Variants in FH observed in about 807,000 individuals in gnomAD.
FH encodes the protein fumarate hydratase.
FH carries 22 observed loss-of-function variants against 49.4 expected under a neutral mutation model. The observed-to-expected ratio is 0.45, with a 90% CI of 0.32 to 0.64. The LOEUF (loss-of-function observed/expected upper bound fraction) is 0.64, where lower values mean the gene tolerates loss of function less well. Ranked by LOEUF, FH falls within the 30% of genes least tolerant of loss-of-function variation. The pLI is 0.05. For synonymous variants in FH, 208 were observed against 223.0 expected (o/e 0.93, Z 0.60); for missense variants, 526 against 641.5 (o/e 0.82, Z 1.95).
intron 6 of FH, among the ~76,000 whole-genome samples, chr1:241,505,365 T>C (rs1214340966): frequency 1.3e-5 from 2 of 152,206 alleles, no homozygotes; most frequent in African/African-American, 4.8e-5. Context: ...TAAATCTACA[T>C]TTGCCAAACC....
chr1:241,506,099 A>G lies in FH; in HGVS notation c.808T>C (p.Tyr270His), dbSNP rs1447662403. Residue 270 changes from tyrosine to histidine, a missense_variant, in exon 6 of 10, where the codon TAT becomes CAT. Physicochemically the swap from Tyr to His is moderately conservative, Grantham distance 83. Around this residue, in one of 2 missense-constraint regions of FH, gnomAD observed 383 missense variants for 514.0 expected, o/e 0.75. Transcript: ENST00000366560. ...TRIKAAMPRI[Y>H]ELAAGGTAVG... ...GCAGTGCCTCCAGCTGCGAGCTCAT[A>G]GATTCTTGGCATGGCAGCTTTTATT... The G allele has an allele frequency of 6.2e-7, 1 of 1,613,860 alleles. No individual in the cohort carries two copies. Among genetic ancestry groups the G allele is most frequent in the Non-Finnish European group, 8.5e-7 (1 of 1,179,886 alleles).
At chr1:241,513,958 A>G (rs528913121) in intron 2 of FH, among the ~76,000 whole-genome samples, 1 of 152,302 alleles carries the variant, frequency 6.6e-6, no homozygotes, top group Admixed American at 6.5e-5. Flanking sequence ...CTTCATATAT[A>G]TATGTGTGTA....
At position 241,513,669 on chromosome 1, in the gene FH, A is replaced by G. The variant is rs1311053776; in HGVS notation, c.312T>C (p.Ala104=). The G allele has an allele frequency of 3.7e-6, 6 of 1,614,128 alleles. No homozygotes were observed. The highest frequency in any genetic ancestry group is 4.2e-6 in the Non-Finnish European group (5 of 1,179,986). The part of the protein sequence containing the change: ...KAFGILKRAA[A]EVNQDYGLDP... Reference sequence around the variant, plus strand: ...CAAGACCATAATCCTGGTTTACTTCAGCGGCCGCTCGCTTCAAGATGCCAA... The same window carrying G: ...CAAGACCATAATCCTGGTTTACTTCGGCGGCCGCTCGCTTCAAGATGCCAA... The change falls in exon 3 of 10, where the codon GCT becomes GCC. Residue 104 remains alanine (A), a synonymous_variant. Coordinates refer to ENST00000366560, the MANE Select transcript of FH (RefSeq NM_000143.4).
intron 3 of FH, 67 bp downstream of exon 3, chr1:241,513,536 G>GCA: frequency 1.7e-6 from 2 of 1,143,538 alleles, no homozygotes; most frequent in Non-Finnish European, 2.7e-6. Flanking sequence ...TTCTGCCAGA[G>GCA]CATATCGTCA....
chr1:241,506,748 G>T (rs1573882072), intron 5 of FH, among the ~76,000 whole-genome samples: 1 of 152,182 alleles, frequency 6.6e-6, no homozygotes, highest in East Asian at 1.9e-4. Context: ...AGAATAGGAG[G>T]TAACGGTAGA....
intron 4 of FH, among the ~76,000 whole-genome samples, chr1:241,510,739 A>G (rs533811490): frequency 6.6e-6 from 1 of 152,310 alleles, no homozygotes; most frequent in East Asian, 1.9e-4. Context: ...TGTAAGCCCA[A>G]AAACTTTTTG....
intron 3 of FH, among the ~76,000 whole-genome samples, chr1:241,512,792 T>C (rs1660120011): frequency 6.6e-6 from 1 of 152,166 alleles, no homozygotes; most frequent in African/African-American, 2.4e-5. Context: ...TAAAAATATG[T>C]GATTAGTGTA....
At chr1:241,512,255 G>C (rs916116631) in intron 3 of FH, 112 bp from the exon 4 acceptor site, 2 of 857,190 alleles carry the variant, frequency 2.3e-6, no homozygotes, top group Non-Finnish European at 3.8e-6. Context: ...AGCATCACTT[G>C]CTCCAACCAC....
chr1:241,500,536 T>C lies in FH; in HGVS notation c.1291A>G (p.Thr431Ala), dbSNP rs1315943292. 1.2e-6 allele frequency: 2 copies of C among 1,613,128 alleles called. No homozygotes were observed. The highest frequency in any genetic ancestry group is 1.3e-5 in the African/African-American group (1 of 74,538). The change falls in exon 9 of 10, where the codon ACA becomes GCA. Residue 431 changes from threonine to alanine, a missense_variant. Coordinates refer to ENST00000366560, the MANE Select transcript of FH (RefSeq NM_000143.4). ...RLLGDASVSF[T>A]ENCVVGIQAN... ...TGGATTCCCACCACGCAGTTTTCTGTAAAGGAAACTGAAGCATCCCCCAGC... is the reference window on the plus strand; with the variant it reads ...TGGATTCCCACCACGCAGTTTTCTGCAAAGGAAACTGAAGCATCCCCCAGC...
chr1:241,506,250 T>G, intron 5 of FH, 82 bp from the exon 6 acceptor site: 2 of 1,062,680 alleles, frequency 1.9e-6, no homozygotes, highest in Non-Finnish European at 2.8e-6. Flanking sequence ...AATAGAAATT[T>G]TTAAAAATAC....
In FH at chr1:241,517,203, T is replaced by G. The variant is rs777626870; in HGVS notation, c.246A>C (p.Gly82=). ...TTACTGGCATGCGTTCTGTCACACC[T>G]CCAATCTTAAAGTTCATCGTAGATC... ...TVRSTMNFKI[G]GVTERMPTPV... Residue 82 remains glycine (G), a synonymous_variant, in exon 2 of 10, where the codon GGA becomes GGC. Coordinates refer to ENST00000366560, the MANE Select transcript of FH (RefSeq NM_000143.4). The G allele has an allele frequency of 3.7e-6, 6 of 1,614,112 alleles. No homozygotes were observed. The South Asian group carries it at 6.6e-5, about 18-fold the overall frequency.
intron 6 of FH, among the ~76,000 whole-genome samples, chr1:241,505,164 G>C (rs1231653832): frequency 6.6e-6 from 1 of 151,878 alleles, no homozygotes; most frequent in Admixed American, 6.6e-5. Flanking sequence ...GCCCATCTTG[G>C]CCTCCCAAAG....
intron 9 of FH, among the ~76,000 whole-genome samples, chr1:241,500,144 C>T (rs560833777): frequency 5.0e-4 from 76 of 152,228 alleles, no homozygotes; most frequent in African/African-American, 1.8e-3. Context: ...CCCCAATGGT[C>T]TGCATAGAAT....
At chr1:241,505,206 C>T (rs915974062) in intron 6 of FH, among the ~76,000 whole-genome samples, 17 of 151,958 alleles carry the variant, frequency 1.1e-4, no homozygotes, top group Middle Eastern at 3.2e-3. Context: ...CCCCCATGTC[C>T]GGCCCCTAAT....
In FH at chr1:241,512,149, G is replaced by GA. The variant is rs761444069; in HGVS notation, c.379-7dup. ...TTTAATTTACCTTCAGCTACCTGCA[G>GA]AAAAAATGTTAAAAATGTATTTTAA... On this transcript the variant is annotated splice_region_variant and splice_polypyrimidine_tract_variant and intron_variant, in intron 3 of 9. Transcript: ENST00000366560. The GA allele has an allele frequency of 9.3e-6, 15 of 1,612,030 alleles. No individual in the cohort carries two copies. The highest frequency in any genetic ancestry group is 1.3e-5 in the African/African-American group (1 of 74,838).
intron 4 of FH, among the ~76,000 whole-genome samples, chr1:241,509,778 AAC>A (rs71174810): frequency 0.36 from 50,452 of 138,870 alleles, 9,132 homozygotes; most frequent in Non-Finnish European, 0.43. Flanking sequence ...ACAATCTCTA[AAC>A]ACACACACAC....
rs1659916169 is a variant in FH at position 241,505,911 on chromosome 1, T to C, written c.904+92A>G. 3.4e-6 allele frequency: 4 copies of C among 1,166,240 alleles called. No homozygotes were observed. In the East Asian group the frequency reaches 9.5e-5, roughly 28 times the overall value. 72.2% of individuals were successfully genotyped at this position (1,166,240 alleles called of 1,614,324 possible). On this transcript the variant is annotated intron_variant, in intron 6 of 9. Transcript: ENST00000366560. ...GAAAAATATCATTTCTAACTTTAAA[T>C]TCACAAGAATTCAAGACAGGAACAC...
At chr1:241,507,027 A>G (rs552822964) in intron 5 of FH, among the ~76,000 whole-genome samples, 1 of 152,322 alleles carries the variant, frequency 6.6e-6, no homozygotes, top group South Asian at 2.1e-4. Context: ...CAAAAGATAT[A>G]ACTCATTATA....
Position 241,508,634 on chromosome 1 carries a change from G to A in FH, c.707C>T (p.Thr236Ile), listed in dbSNP as rs773382103. ...AAGAGTAAGTGGAACAGCATCCTGAGTATGAGTACGTCCAATCTTGATGAT... is the reference window on the plus strand; with the variant it reads ...AAGAGTAAGTGGAACAGCATCCTGAATATGAGTACGTCCAATCTTGATGAT... ...AQIIKIGRTH[T>I]QDAVPLTLGQ... The change falls in exon 5 of 10, where the codon ACT becomes ATT. Residue 236 changes from threonine to isoleucine, a missense_variant. Physicochemically the swap from Thr to Ile is moderately conservative, Grantham distance 89. This residue lies in a region of FH where 383 missense variants were observed against 514.0 expected (regional missense o/e 0.75). Transcript: ENST00000366560. 3.1e-6 allele frequency: 5 copies of A among 1,613,868 alleles called. No homozygotes were observed. Among genetic ancestry groups the A allele is most frequent in the Non-Finnish European group, 4.2e-6 (5 of 1,179,796 alleles).
Sources: gnomAD v4.1 joint callset for allele counts (sites outside exome capture counted in the v4.1 genomes callset) on GRCh38, gnomAD v4.1.1 for gene constraint, gnomAD v4.1.1 regional missense constraint, MANE v1.5 for transcripts, NCBI Gene and HGNC (gene_info 2026-07-23, HGNC 2026-07-21) for gene names.